The following CCDC30 variants were observed in gnomAD, a reference collection of about 807,000 sequenced individuals.
CCDC30 encodes the protein coiled-coil domain-containing protein 30.
A neutral mutation model predicts 100.2 loss-of-function variants in CCDC30; 70 were observed. The ratio of observed to expected loss-of-function variants is 0.70; its 90% CI spans 0.58 to 0.85. The LOEUF (loss-of-function observed/expected upper bound fraction) is 0.85. Among genes scored for constraint, CCDC30 ranks in the 40% least tolerant of loss-of-function variants. The probability of loss-of-function intolerance (pLI) is 0.00; values close to 1 mark genes in which losing one functional copy is unlikely to be tolerated. For missense variants in CCDC30, 652 were observed against 771.2 expected (o/e 0.85, Z 1.83); for synonymous variants, 233 against 269.5 (o/e 0.86, Z 1.33).
intron 11 of CCDC30, among the ~76,000 whole-genome samples, chr1:42,612,036 T>C (rs1646636541): frequency 6.6e-6 from 1 of 152,180 alleles, no homozygotes; most frequent in African/African-American, 2.4e-5. Context: ...ATGCAGACAT[T>C]CTCCCAAGTT....
At position 42,490,287 on chromosome 1, in the gene CCDC30, C is replaced by T. The variant is rs1027875071; in HGVS notation, c.241+58C>T. 37 of 780,404 alleles carry T rather than the reference C, an allele frequency of 4.7e-5. No individual in the cohort carries two copies. In the Admixed American group the frequency reaches 9.2e-4, roughly 19 times the overall value. The allele number at this position is 780,404 out of a possible 1,614,324, so 48.3% of individuals were successfully genotyped here. On this transcript the variant is annotated intron_variant, in intron 4 of 16. Transcript: ENST00000668663. Reference sequence around the variant, plus strand: ...TTTAGTAGCCAAGAATGGTGGTACACGCCTGCAGTCCCAAAGACTTGGGAG... The same window carrying T: ...TTTAGTAGCCAAGAATGGTGGTACATGCCTGCAGTCCCAAAGACTTGGGAG...
rs911465067 is a variant in CCDC30 at position 42,623,799 on chromosome 1, A to C, written c.1277+12709A>C. 4.6e-5 allele frequency among the ~76,000 whole-genome samples: 7 copies of C among 152,154 alleles called. No individual in the cohort carries two copies. In the South Asian group the frequency reaches 6.2e-4, roughly 13 times the overall value. Reference sequence around the variant, plus strand: ...TCATTGGTATTTTGGTAGGGATTGCATTGAATCTGTAGATTGCTTTTGGTA... The same window carrying C: ...TCATTGGTATTTTGGTAGGGATTGCCTTGAATCTGTAGATTGCTTTTGGTA... On this transcript the variant is annotated intron_variant, in intron 11 of 16. Transcript: ENST00000668663.
At chr1:42,571,565 G>A (rs1461163912) in intron 7 of CCDC30, among the ~76,000 whole-genome samples, 1 of 152,102 alleles carries the variant, frequency 6.6e-6, no homozygotes, top group Non-Finnish European at 1.5e-5. Flanking sequence ...TAGAAAAATA[G>A]GAAGTTTATT....
intron 11 of CCDC30, among the ~76,000 whole-genome samples, chr1:42,624,195 T>C (rs533067110): frequency 6.6e-6 from 1 of 152,336 alleles, no homozygotes; most frequent in South Asian, 2.1e-4. Flanking sequence ...ATTTGACTTC[T>C]TATAAATTTG....
chr1:42,619,441 T>C (rs1646787944), intron 11 of CCDC30, among the ~76,000 whole-genome samples: 1 of 152,162 alleles, frequency 6.6e-6, no homozygotes, highest in Non-Finnish European at 1.5e-5. Context: ...AGAAATAGTA[T>C]GCAAATCTAT....
chr1:42,639,744 C>A (rs1174316397), intron 12 of CCDC30, among the ~76,000 whole-genome samples: 2 of 152,138 alleles, frequency 1.3e-5, no homozygotes, highest in South Asian at 4.1e-4. Context: ...CATACAATTT[C>A]TAAAGTGGTA....
the CCDC30 span, chr1:42,456,598 C>G: frequency 2.0e-6 from 3 of 1,510,902 alleles, no homozygotes; most frequent in Middle Eastern, 1.8e-4. Flanking sequence ...CCGAGTTCCC[C>G]CAGCCTCCCG....
chr1:42,510,110 A>C (rs191808673), intron 6 of CCDC30: 18,170 of 984,906 alleles, frequency 0.018, 196 homozygotes, highest in Admixed American at 0.032. Flanking sequence ...AGGAAGAACC[A>C]GGGCATCTGG....
intron 15 of CCDC30, among the ~76,000 whole-genome samples, chr1:42,652,509 TGAA>T (rs1460193947): frequency 6.6e-6 from 1 of 152,150 alleles, no homozygotes. Flanking sequence ...AATAAAAATT[TGAA>T]AAAACTTTCT....
chr1:42,482,617 A>G lies in CCDC30; in HGVS notation c.16-46A>G, dbSNP rs1342951977. The G allele has an allele frequency of 2.6e-6, 3 of 1,135,840 alleles. No individual in the cohort carries two copies. The Admixed American group carries it at 1.3e-4, about 48-fold the overall frequency. The allele number at this position is 1,135,840 out of a possible 1,614,324, so 70.4% of individuals were successfully genotyped here. On this transcript the variant is annotated intron_variant, in intron 2 of 16. Transcript: ENST00000668663. ...ATAGAAAATAGCAAAATGTCATGAG[A>G]GTACATTTGCTCTTTGTTTTATTAC...
chr1:42,462,120 AC>A (rs1416710754), upstream of CCDC30, among the ~76,000 whole-genome samples: 3 of 152,180 alleles, frequency 2.0e-5, no homozygotes, highest in Admixed American at 2.0e-4. Context: ...ACGCTTAAAA[AC>A]AATCAGTGTT....
At chr1:42,592,247 G>T (rs12410069) in intron 10 of CCDC30, 1 of 152,062 alleles carries the variant, frequency 6.6e-6, no homozygotes, top group African/African-American at 2.4e-5. Context: ...GGAATGATAC[G>T]GTTTGGTTCT....
intron 1 of CCDC30, among the ~76,000 whole-genome samples, chr1:42,465,284 C>G (rs542066396): frequency 7.2e-5 from 11 of 152,288 alleles, no homozygotes; most frequent in African/African-American, 2.6e-4. Flanking sequence ...GCGCTCCAAC[C>G]TGGGCTACAG....
intron 6 of CCDC30, chr1:42,529,842 C>T (rs998957062): frequency 1.3e-5 from 2 of 152,172 alleles, no homozygotes; most frequent in Non-Finnish European, 2.9e-5. Flanking sequence ...ACAGTAGTTC[C>T]CTCTTATTTT....
At chr1:42,649,350 C>T (rs1570354901) in intron 15 of CCDC30, among the ~76,000 whole-genome samples, 2 of 152,092 alleles carry the variant, frequency 1.3e-5, no homozygotes, top group Non-Finnish European at 2.9e-5. Context: ...AGGACAAAAA[C>T]CATATGATCA....
rs1382692831 is a variant in CCDC30 at position 42,585,126 on chromosome 1, G to A, written c.1001+3612G>A. Among the ~76,000 whole-genome samples the A allele has an allele frequency of 2.6e-5, 4 of 152,148 alleles. No individual in the cohort carries two copies. In the East Asian group the frequency reaches 7.7e-4, roughly 29 times the overall value. On this transcript the variant is annotated intron_variant, in intron 9 of 16. Coordinates refer to ENST00000668663, the Ensembl canonical transcript of CCDC30. ...CCTTGTGTGAGCTTTCGTAGTTTGTGTCTTTCAAAGAATCAGTCCATATAA... is the reference window on the plus strand; with the variant it reads ...CCTTGTGTGAGCTTTCGTAGTTTGTATCTTTCAAAGAATCAGTCCATATAA...
chr1:42,635,953 A>G (rs893196912), intron 11 of CCDC30, among the ~76,000 whole-genome samples: 1 of 152,160 alleles, frequency 6.6e-6, no homozygotes, highest in Admixed American at 6.5e-5. Context: ...ACTTGTTATT[A>G]TCTGTCATTT....
chr1:42,637,777 T>G (rs1647188404), intron 12 of CCDC30, among the ~76,000 whole-genome samples: 1 of 152,228 alleles, frequency 6.6e-6, no homozygotes, highest in Non-Finnish European at 1.5e-5. Flanking sequence ...TCCTTACTCC[T>G]TTATCAGTCC....
chr1:42,649,674 A>G (rs2148696651), intron 15 of CCDC30, among the ~76,000 whole-genome samples: 1 of 152,358 alleles, frequency 6.6e-6, no homozygotes, highest in Non-Finnish European at 1.5e-5. Flanking sequence ...ACTTGTTGAC[A>G]TGATCTTATA....
Sources: gnomAD v4.1 joint callset for allele counts (sites outside exome capture counted in the v4.1 genomes callset) on GRCh38, gnomAD v4.1.1 for gene constraint, MANE v1.5 for transcripts, NCBI Gene and HGNC (gene_info 2026-07-23, HGNC 2026-07-21) for gene names.